Variants in RSU1 observed in about 807,000 individuals in gnomAD.
RSU1 encodes Ras suppressor protein 1, also known as rsu-1.
In RSU1, 26 loss-of-function variants were observed where a neutral mutation model predicts 31.1. The observed-to-expected ratio is 0.84, with a 90% confidence interval of 0.61 to 1.16. The LOEUF (loss-of-function observed/expected upper bound fraction) is 1.16. Ranked by LOEUF, RSU1 falls within the 50% of genes most tolerant of loss-of-function variation. RSU1 has a pLI of 0.00. For missense variants in RSU1, 320 were observed against 339.1 expected (o/e 0.94, Z 0.44); for synonymous variants, 164 against 136.3 (o/e 1.20, Z -1.41).
chr10:16,693,392 G>C (rs1234443828), intron 8 of RSU1, among the ~76,000 whole-genome samples: 1 of 152,144 alleles, frequency 6.6e-6, no homozygotes, highest in Non-Finnish European at 1.5e-5. Context: ...TCTGGGCAGA[G>C]GCTCTGCCCT....
intron 5 of RSU1, among the ~76,000 whole-genome samples, chr10:16,753,640 T>C (rs1266238543): frequency 1.3e-5 from 2 of 152,212 alleles, no homozygotes; most frequent in Non-Finnish European, 2.9e-5. Context: ...AGAATATCAG[T>C]AGTCAGAAAT....
chr10:16,787,461 C>T (rs11254185), intron 2 of RSU1, among the ~76,000 whole-genome samples: 46,886 of 151,808 alleles, frequency 0.31, 8,493 homozygotes, highest in African/African-American at 0.52. Flanking sequence ...CGCCAATGCT[C>T]CCCCGCAGGC....
chr10:16,632,066 T>C (rs566964105), intron 8 of RSU1, among the ~76,000 whole-genome samples: 3 of 152,292 alleles, frequency 2.0e-5, no homozygotes, highest in Non-Finnish European at 2.9e-5. Context: ...AAAGCGGGTG[T>C]GGGAATGACC....
At chr10:16,724,456 T>A (rs1461062013) in intron 7 of RSU1, among the ~76,000 whole-genome samples, 1 of 152,138 alleles carries the variant, frequency 6.6e-6, no homozygotes. Context: ...ACATGGCTCC[T>A]TGGAACGCAA....
intron 8 of RSU1, among the ~76,000 whole-genome samples, chr10:16,608,717 C>T (rs1026022810): frequency 6.6e-6 from 1 of 151,760 alleles, no homozygotes; most frequent in Non-Finnish European, 1.5e-5. Context: ...TCCATCTCCT[C>T]TTTTTTCACT....
rs111960598 is a variant in RSU1 at position 16,817,239 on chromosome 10, T to TGGGGTAGGGTAGG, written c.-4+75_-4+76insCCTACCCTACCCC. ...GGCTGGTCCGGGTGCGGGGAGGGGATGGAGTGGGAAGGGTTCAGCCCCGCT... is the reference window on the plus strand; with the variant it reads ...GGCTGGTCCGGGTGCGGGGAGGGGATGGGGTAGGGTAGGGGAGTGGGAAGGGTTCAGCCCCGCT... On this transcript the variant is annotated intron_variant, in intron 1 of 8. Transcript: ENST00000345264. 10 of 607,116 alleles carry TGGGGTAGGGTAGG rather than the reference T, an allele frequency of 1.6e-5. No individual in the cohort carries two copies. In the Admixed American group the frequency reaches 2.5e-4, roughly 15 times the overall value. The allele number at this position is 607,116 out of a possible 1,614,324, so 37.6% of individuals were successfully genotyped here.
intron 2 of RSU1, among the ~76,000 whole-genome samples, chr10:16,793,891 G>A (rs1393533274): frequency 1.3e-5 from 2 of 151,536 alleles, no homozygotes; most frequent in Admixed American, 6.6e-5. Context: ...CTTTTCCAGG[G>A]TCTGTGAGGG....
At position 16,757,753 on chromosome 10, in the gene RSU1, T is replaced by C. The variant is rs139156307; in HGVS notation, c.282-2764A>G. Reference sequence around the variant, plus strand: ...GCTGCTCCAGACCCTTGGGCTCTGATACAAGGATTCTGAGAAGAATTGCAA... The same window carrying C: ...GCTGCTCCAGACCCTTGGGCTCTGACACAAGGATTCTGAGAAGAATTGCAA... On this transcript the variant is annotated intron_variant, in intron 4 of 8. Transcript: ENST00000345264. Among the ~76,000 whole-genome samples, 841 of 152,328 alleles carry C rather than the reference T, an allele frequency of 5.5e-3. 24 individuals are homozygous for C. The highest frequency in any genetic ancestry group is 0.048 in the Admixed American group (732 of 15,302).
intron 8 of RSU1, among the ~76,000 whole-genome samples, chr10:16,690,378 T>C (rs995356455): frequency 1.3e-5 from 2 of 152,098 alleles, no homozygotes; most frequent in African/African-American, 2.4e-5. Context: ...AGCCAACAAG[T>C]TCCCCTGTGG....
At chr10:16,604,685 C>A (rs1833771636) in intron 8 of RSU1, among the ~76,000 whole-genome samples, 1 of 152,094 alleles carries the variant, frequency 6.6e-6, no homozygotes, top group Non-Finnish European at 1.5e-5. Context: ...GGAAACAAGG[C>A]CCAGAGTTTA....
At chr10:16,726,201 C>T (rs982298288) in intron 7 of RSU1, among the ~76,000 whole-genome samples, 3 of 151,306 alleles carry the variant, frequency 2.0e-5, no homozygotes, top group Non-Finnish European at 4.4e-5. Flanking sequence ...AAATATTATG[C>T]TTCTTCATTT....
chr10:16,790,796 A>G (rs538093779), intron 2 of RSU1, among the ~76,000 whole-genome samples: 1 of 151,802 alleles, frequency 6.6e-6, no homozygotes, highest in Admixed American at 6.6e-5. Flanking sequence ...GTGTGTTAGC[A>G]CCTCCCTATT....
chr10:16,713,097 T>C (rs1836056904), intron 7 of RSU1, among the ~76,000 whole-genome samples: 1 of 152,206 alleles, frequency 6.6e-6, no homozygotes, highest in Admixed American at 6.5e-5. Flanking sequence ...TAATGGACAT[T>C]CCCTTGTGTG....
rs1327654023 is a variant in RSU1 at position 16,592,151 on chromosome 10, T to C, written c.*1243A>G. On this transcript the variant is annotated 3_prime_UTR_variant, in exon 9 of 9. Transcript: ENST00000345264. Reference sequence around the variant, plus strand: ...GAAAGGATACAGCAGAGATTTTATATGCCCCAGTGGGTCCTGGTCTTGGGA... The same window carrying C: ...GAAAGGATACAGCAGAGATTTTATACGCCCCAGTGGGTCCTGGTCTTGGGA... The C allele has an allele frequency of 6.7e-6, 1 of 150,296 alleles. No homozygotes were observed. The highest frequency in any genetic ancestry group is 1.5e-5 in the Non-Finnish European group (1 of 68,002). The allele number at this position is 150,296 out of a possible 1,614,324, so 9.3% of individuals were successfully genotyped here. A position where few individuals can be genotyped will look rare whatever the true frequency, so the allele number is the denominator to read the frequency against.
intron 7 of RSU1, among the ~76,000 whole-genome samples, chr10:16,716,577 C>G (rs1226345666): frequency 6.6e-6 from 1 of 152,114 alleles, no homozygotes; most frequent in Admixed American, 6.5e-5. Flanking sequence ...AAAGACCACA[C>G]TCATCAGGTG....
chr10:16,736,417 CAGA>C (rs1306391247), intron 7 of RSU1, among the ~76,000 whole-genome samples: 1 of 152,082 alleles, frequency 6.6e-6, no homozygotes, highest in Non-Finnish European at 1.5e-5. Flanking sequence ...GCAGTAATCC[CAGA>C]AGTCTTAAGA....
At chr10:16,813,667 G>C (rs12356584) in intron 2 of RSU1, among the ~76,000 whole-genome samples, 3,972 of 152,258 alleles carry the variant, frequency 0.026, 60 homozygotes, top group Non-Finnish European at 0.038. Flanking sequence ...GTACTAACTA[G>C]CAGAATTTGA....
intron 8 of RSU1, among the ~76,000 whole-genome samples, chr10:16,633,215 G>T (rs1396493436): frequency 1.3e-5 from 2 of 152,142 alleles, no homozygotes; most frequent in Admixed American, 6.5e-5. Flanking sequence ...GGGAGTGGGG[G>T]TGTGTGTGAA....
chr10:16,599,378 C>G (rs535482404), intron 8 of RSU1, among the ~76,000 whole-genome samples: 51 of 152,334 alleles, frequency 3.3e-4, no homozygotes, highest in African/African-American at 1.2e-3. Context: ...GCACCACTGT[C>G]CCCTCCTAGA....
Sources: gnomAD v4.1 joint callset for allele counts (sites outside exome capture counted in the v4.1 genomes callset) on GRCh38, gnomAD v4.1.1 for gene constraint, MANE v1.5 for transcripts, NCBI Gene and HGNC (gene_info 2026-07-23, HGNC 2026-07-21) for gene names.